ZBTB8OS: variants seen among roughly 807,000 people sequenced by gnomAD.
The protein encoded by ZBTB8OS is tRNA-splicing ligase-activating factor archease.
In ZBTB8OS, 16 loss-of-function variants were observed where a neutral mutation model predicts 29.3. The ratio of observed to expected loss-of-function variants is 0.55; its 90% CI spans 0.37 to 0.83. The LOEUF (loss-of-function observed/expected upper bound fraction) is 0.83, where lower values mean the gene tolerates loss of function less well. Among genes scored for constraint, ZBTB8OS ranks in the 40% least tolerant of loss-of-function variants. ZBTB8OS has a pLI of 0.00. For missense variants in ZBTB8OS, 160 were observed against 196.9 expected, an observed-to-expected ratio of 0.81 and a Z score of 1.12; for synonymous variants, 70 against 64.6, an observed-to-expected ratio of 1.08 and a Z score of -0.40.
chr1:32,639,292 T>C (rs12401865), intron 1 of ZBTB8OS, among the ~76,000 whole-genome samples: 146,444 of 150,982 alleles, frequency 0.97, 71,176 homozygotes, highest in East Asian at 1. Flanking sequence ...AGCAAGACTC[T>C]ACTCCCCCAA....
At chr1:32,629,255 T>TAA (rs548956079) in intron 5 of ZBTB8OS, among the ~76,000 whole-genome samples, 4 of 146,440 alleles carry the variant, frequency 2.7e-5, no homozygotes, top group African/African-American at 7.5e-5. Context: ...TACAAAAGAT[T>TAA]AAAAAAAAAA....
intron 1 of ZBTB8OS, among the ~76,000 whole-genome samples, chr1:32,635,893 G>C (rs1570598207): frequency 6.6e-6 from 1 of 152,268 alleles, no homozygotes; most frequent in East Asian, 1.9e-4. Flanking sequence ...CAACCAGTCT[G>C]TCTTTCTGGG....
chr1:32,650,116 TG>T (rs1288884256), intron 1 of ZBTB8OS, among the ~76,000 whole-genome samples: 5 of 152,170 alleles, frequency 3.3e-5, no homozygotes, highest in Non-Finnish European at 7.4e-5. Context: ...GGGAAATACA[TG>T]GGGGTAACAA....
At chr1:32,632,026 G>A (rs1485901788) in intron 4 of ZBTB8OS, 147 bp from the exon 5 acceptor site, 1 of 373,150 alleles carries the variant, frequency 2.7e-6, no homozygotes, top group Non-Finnish European at 4.6e-6. Context: ...TTTTGAGATG[G>A]AGCCTTACTC....
In ZBTB8OS at chr1:32,627,501, A is replaced by G. The variant is rs1449628224; in HGVS notation, c.417+7T>C. ...CATGTTCTTAATGGCTGGATTTTAA[A>G]ACATACCTGAGGGTGCTTGGACAAT... On this transcript the variant is annotated splice_region_variant and intron_variant, in intron 6 of 6. Transcript: ENST00000468695. 1 of 1,613,218 alleles carries G rather than the reference A, an allele frequency of 6.2e-7. No homozygotes were observed. The highest frequency in any genetic ancestry group is 1.1e-5 in the South Asian group (1 of 90,772).
chr1:32,641,870 G>A (rs1011003476), intron 1 of ZBTB8OS, among the ~76,000 whole-genome samples: 3 of 151,866 alleles, frequency 2.0e-5, no homozygotes, highest in Non-Finnish European at 2.9e-5. Context: ...GCAGTGAGCC[G>A]AGATTGTGCC....
intron 5 of ZBTB8OS, among the ~76,000 whole-genome samples, chr1:32,628,017 C>T (rs550368968): frequency 2.6e-5 from 4 of 151,920 alleles, no homozygotes; most frequent in South Asian, 2.1e-4. Context: ...GCACTCTAGC[C>T]TGGGTGTCAG....
chr1:32,625,998 G>A (rs1162384199), intron 6 of ZBTB8OS, among the ~76,000 whole-genome samples: 3 of 151,600 alleles, frequency 2.0e-5, no homozygotes, highest in African/African-American at 7.3e-5. Context: ...TCAGCCTCCC[G>A]AATAGCTGGG....
chr1:32,635,609 G>A (rs1046409860), intron 1 of ZBTB8OS, among the ~76,000 whole-genome samples: 3 of 152,034 alleles, frequency 2.0e-5, no homozygotes, highest in Admixed American at 1.3e-4. Context: ...TTCCCACTTA[G>A]GATCATAGAA....
chr1:32,631,620 T>TA lies in ZBTB8OS; in HGVS notation c.380+206dup, dbSNP rs940153085. Among the ~76,000 whole-genome samples the TA allele has an allele frequency of 1.2e-4, 19 of 152,286 alleles. No homozygotes were observed. The Middle Eastern group carries it at 0.014, about 109-fold the overall frequency. ...TTAGCAATTACACATATTCTCTCCC[T>TA]AAAAAATCAACAAATTGGGAATCAG... On this transcript the variant is annotated intron_variant, in intron 5 of 6. Transcript: ENST00000468695.
intron 1 of ZBTB8OS, among the ~76,000 whole-genome samples, chr1:32,636,884 T>C (rs1241314425): frequency 1.3e-5 from 2 of 151,944 alleles, no homozygotes; most frequent in African/African-American, 4.8e-5. Flanking sequence ...AGCTTACAAA[T>C]GTGAATATCC....
At chr1:32,634,746 A>C (rs748289235) in intron 2 of ZBTB8OS, 22 bp downstream of exon 2, 2 of 1,614,022 alleles carry the variant, frequency 1.2e-6, no homozygotes, top group South Asian at 2.2e-5. Context: ...GTTTCAAAGG[A>C]ATGAACTCCC....
At chr1:32,632,917 T>C (rs75056610) in intron 4 of ZBTB8OS, among the ~76,000 whole-genome samples, 1,609 of 152,252 alleles carry the variant, frequency 0.011, 12 homozygotes, top group Non-Finnish European at 0.017. Context: ...GGTAGGCACT[T>C]GAATTCTGTA....
At chr1:32,635,846 G>A (rs1050772803) in intron 1 of ZBTB8OS, among the ~76,000 whole-genome samples, 1 of 152,116 alleles carries the variant, frequency 6.6e-6, no homozygotes, top group African/African-American at 2.4e-5. Flanking sequence ...ATTAGTAACA[G>A]CCCTTTCCCG....
Position 32,627,634 on chromosome 1 carries a change from A to G in ZBTB8OS, c.381-90T>C, listed in dbSNP as rs972329763. The G allele has an allele frequency of 4.7e-6, 6 of 1,273,198 alleles. No homozygotes were observed. The African/African-American group carries it at 7.4e-5, about 16-fold the overall frequency. 78.9% of individuals were successfully genotyped at this position (1,273,198 alleles called of 1,614,324 possible). On this transcript the variant is annotated intron_variant, in intron 5 of 6. Transcript: ENST00000468695. ...TTGTAAATGTGGTTAACATGCTAGA[A>G]AGCCAAAAGAGACAGGAGGGGGTCA...
At chr1:32,636,394 A>G (rs1390540811) in intron 1 of ZBTB8OS, among the ~76,000 whole-genome samples, 1 of 152,216 alleles carries the variant, frequency 6.6e-6, no homozygotes, top group Middle Eastern at 3.4e-3. Context: ...GGTTACACTT[A>G]TAAGAAAAAC....
intron 1 of ZBTB8OS, among the ~76,000 whole-genome samples, chr1:32,641,649 C>T (rs1327946141): frequency 1.3e-5 from 2 of 148,758 alleles, no homozygotes; most frequent in African/African-American, 4.9e-5. Flanking sequence ...CACGGTGGCT[C>T]ACACCTGTAA....
chr1:32,629,848 G>A (rs1432770434), intron 5 of ZBTB8OS, among the ~76,000 whole-genome samples: 1 of 150,868 alleles, frequency 6.6e-6, no homozygotes, highest in Non-Finnish European at 1.5e-5. Flanking sequence ...TGCCTCCTGG[G>A]TTCAAGCGAT....
intron 1 of ZBTB8OS, among the ~76,000 whole-genome samples, chr1:32,635,166 T>C (rs1033816551): frequency 1.3e-5 from 2 of 152,058 alleles, no homozygotes; most frequent in Admixed American, 1.3e-4. Context: ...CTCCACAATA[T>C]ATGAGCTTTT....
Sources: gnomAD v4.1 joint callset for allele counts (sites outside exome capture counted in the v4.1 genomes callset) on GRCh38, gnomAD v4.1.1 for gene constraint, MANE v1.5 for transcripts, NCBI Gene and HGNC (gene_info 2026-07-23, HGNC 2026-07-21) for gene names.